Variants in BCAS3 observed in about 807,000 individuals in gnomAD.
BCAS3 encodes BCAS3 microtubule associated cell migration factor, also known as BCAS4/BCAS3 fusion.
Under a neutral mutation model 116.1 loss-of-function variants are expected in BCAS3, and 53 were observed. The observed-to-expected ratio is 0.46, with a 90% CI of 0.37 to 0.57. The LOEUF is 0.57. Among genes scored for constraint, BCAS3 ranks in the 20% least tolerant of loss-of-function variants. The pLI, the probability that BCAS3 is intolerant of heterozygous loss-of-function variation, is 0.00. For synonymous variants in BCAS3, 391 were observed against 408.2 expected, an observed-to-expected ratio of 0.96 and a Z score of 0.51; for missense variants, 917 against 1,165.4, an observed-to-expected ratio of 0.79 and a Z score of 3.10.
chr17:61,132,559 A>G lies in BCAS3; in HGVS notation c.2425+47995A>G, dbSNP rs918132234. On this transcript the variant is annotated intron_variant, in intron 22 of 23. Coordinates refer to ENST00000407086, the MANE Select transcript of BCAS3 (RefSeq NM_017679.5). This position sits in a 1 kb window ranked among gnomAD's most constrained non-coding sequence, Gnocchi z 5.1. The stretch of plus-strand genomic sequence containing the variant: ...AGATTGTTTGTGCCGGGCTTATACA[A>G]TGGGTCTCTAAACTATATTGAGTGG... 6.6e-6 allele frequency among the ~76,000 whole-genome samples: 1 copy of G among 152,338 alleles called. No homozygotes were observed. The highest frequency in any genetic ancestry group is 1.5e-5 in the Non-Finnish European group (1 of 68,026).
At position 61,203,364 on chromosome 17, in the gene BCAS3, G is replaced by A. The variant is rs920668759; in HGVS notation, c.2425+118800G>A. Among the ~76,000 whole-genome samples, 1 of 152,018 alleles carries A rather than the reference G, an allele frequency of 6.6e-6. No individual in the cohort carries two copies. The highest frequency in any genetic ancestry group is 6.6e-5 in the Admixed American group (1 of 15,262). ...GTAGAAACAGGGTTTCGCCATGTTG[G>A]TCAGGCTGGTTTCAAACTCCTGACC... On this transcript the variant is annotated intron_variant, in intron 22 of 23. Coordinates refer to ENST00000407086, the MANE Select transcript of BCAS3 (RefSeq NM_017679.5). The surrounding 1 kb of genome is among the most constrained non-coding windows in gnomAD (Gnocchi z 5.7).
chr17:61,246,317 CA>C (rs2047939820), intron 22 of BCAS3, among the ~76,000 whole-genome samples: 1 of 151,360 alleles, frequency 6.6e-6, no homozygotes, highest in Non-Finnish European at 1.5e-5. Context: ...CCCATCTCTA[CA>C]AAAAATACAA....
intron 22 of BCAS3, among the ~76,000 whole-genome samples, chr17:61,358,449 G>C (rs900719268): frequency 6.6e-6 from 1 of 151,148 alleles, no homozygotes; most frequent in African/African-American, 2.4e-5. Flanking sequence ...ATTTTGGCTA[G>C]ATTTCTGGAA....
At chr17:60,837,993 C>G (rs2051524140) in intron 7 of BCAS3, among the ~76,000 whole-genome samples, 1 of 152,066 alleles carries the variant, frequency 6.6e-6, no homozygotes, top group Non-Finnish European at 1.5e-5. Flanking sequence ...TAAAATTTAA[C>G]ATTTAAATTA....
intron 4 of BCAS3, among the ~76,000 whole-genome samples, chr17:60,707,832 A>G (rs776383215): frequency 3.3e-5 from 5 of 152,070 alleles, no homozygotes; most frequent in Non-Finnish European, 5.9e-5. Context: ...ACCATCTTAC[A>G]TTTGTGGGAT....
intron 3 of BCAS3, among the ~76,000 whole-genome samples, chr17:60,685,273 A>G (rs1480057422): frequency 6.6e-6 from 1 of 151,746 alleles, no homozygotes; most frequent in Non-Finnish European, 1.5e-5. Flanking sequence ...ACATGGAGAA[A>G]CCCCATCTCT....
chr17:60,990,199 G>C lies in BCAS3; in HGVS notation c.1450G>C (p.Gly484Arg). The C allele has an allele frequency of 6.2e-7, 1 of 1,614,140 alleles. No homozygotes were observed. The highest frequency in any genetic ancestry group is 8.5e-7 in the Non-Finnish European group (1 of 1,180,032). The change falls in exon 15 of 24, where the codon GGT becomes CGT. Residue 484 changes from glycine to arginine, a missense_variant. Gly to Arg is a moderately radical substitution (Grantham distance 125, BLOSUM62 -2). Around this residue, in one of 3 missense-constraint regions of BCAS3, gnomAD observed 807 missense variants for 1,026.0 expected, o/e 0.79. Coordinates refer to ENST00000407086, the MANE Select transcript of BCAS3 (RefSeq NM_017679.5). This position sits in a 1 kb window ranked among gnomAD's most constrained non-coding sequence, Gnocchi z 5.1. ...KQGGRCSPVPGLSSSPSGSPL... is the reference protein window; with the variant it reads ...KQGGRCSPVPRLSSSPSGSPL... ...AGGAGGTCGCTGTAGCCCTGTTCCA[G>C]GTCTATCAAGCAGCCCTTCTGGGTC...
At chr17:60,813,354 G>T (rs1223807589) in intron 7 of BCAS3, among the ~76,000 whole-genome samples, 1 of 151,454 alleles carries the variant, frequency 6.6e-6, no homozygotes, top group Non-Finnish European at 1.5e-5. Context: ...GTTTATCCCT[G>T]CCAGAGTACC....
rs1444630446 is a variant in BCAS3, at chr17:61,229,031, C to A, written c.2426-139296C>A. Among the ~76,000 whole-genome samples the A allele has an allele frequency of 6.6e-6, 1 of 152,196 alleles. No individual in the cohort carries two copies. The highest frequency in any genetic ancestry group is 1.5e-5 in the Non-Finnish European group (1 of 68,030). ...GTGAGCACAGAAGAAAGTAAAACAG[C>A]CTTGCTTCTGAGATGGAGAAAGTTT... On this transcript the variant is annotated intron_variant, in intron 22 of 23. Coordinates refer to ENST00000407086, the MANE Select transcript of BCAS3 (RefSeq NM_017679.5). This position sits in a 1 kb window ranked among gnomAD's most constrained non-coding sequence, Gnocchi z 4.4.
At chr17:61,207,306 C>A (rs1260878908) in intron 22 of BCAS3, among the ~76,000 whole-genome samples, 1 of 152,092 alleles carries the variant, frequency 6.6e-6, no homozygotes, top group Non-Finnish European at 1.5e-5. Context: ...TCTTGTTCTT[C>A]TTACTGTCTG....
At chr17:60,978,063 T>C (rs867023105) in intron 14 of BCAS3, among the ~76,000 whole-genome samples, 3 of 130,842 alleles carry the variant, frequency 2.3e-5, no homozygotes, top group Non-Finnish European at 4.5e-5. Flanking sequence ...TCTAGATCCC[T>C]GAGGAATCGC....
At chr17:60,697,902 G>A (rs73332375) in intron 4 of BCAS3, among the ~76,000 whole-genome samples, 10,748 of 152,144 alleles carry the variant, frequency 0.071, 1,260 homozygotes, top group African/African-American at 0.24. Context: ...AAAATAGGCC[G>A]GGTACGATGG....
At chr17:61,157,707 C>T (rs1484739413) in intron 22 of BCAS3, among the ~76,000 whole-genome samples, 2 of 149,314 alleles carry the variant, frequency 1.3e-5, no homozygotes, top group African/African-American at 2.5e-5. Context: ...GCCAGCAGGG[C>T]GCCAGCCTGC....
In BCAS3 at chr17:61,134,316, T is replaced by A. The variant is rs1489943245; in HGVS notation, c.2425+49752T>A. The stretch of plus-strand genomic sequence containing the variant: ...TGTTAGGCACTGTGCTCAGACTTTA[T>A]GAGCATTGTCTCATTTTTCATCGTT... On this transcript the variant is annotated intron_variant, in intron 22 of 23. Transcript: ENST00000407086. This position sits in a 1 kb window ranked among gnomAD's most constrained non-coding sequence, Gnocchi z 4.6. 6.6e-6 allele frequency among the ~76,000 whole-genome samples: 1 copy of A among 152,224 alleles called. No individual in the cohort carries two copies. The highest frequency in any genetic ancestry group is 1.5e-5 in the Non-Finnish European group (1 of 68,032).
intron 22 of BCAS3, among the ~76,000 whole-genome samples, chr17:61,120,378 A>G (rs2075722343): frequency 1.3e-5 from 2 of 152,152 alleles, no homozygotes; most frequent in Non-Finnish European, 2.9e-5. Context: ...TGTAAATGCG[A>G]TATCAGCTAC....
chr17:61,313,201 T>C lies in BCAS3; in HGVS notation c.2426-55126T>C, dbSNP rs2054462423. ...CAGGTAGAGAAAGCGAATGCTGTTA[T>C]TTTGCTCTAAGAGGAAACTAAGGTT... On this transcript the variant is annotated intron_variant, in intron 22 of 23. Transcript: ENST00000407086. The surrounding 1 kb of genome is among the most constrained non-coding windows in gnomAD (Gnocchi z 4.3). 6.6e-6 allele frequency among the ~76,000 whole-genome samples: 1 copy of C among 152,216 alleles called. No individual in the cohort carries two copies. The highest frequency in any genetic ancestry group is 6.5e-5 in the Admixed American group (1 of 15,282).
Position 61,368,227 on chromosome 17 carries a change from A to G in BCAS3, c.2426-100A>G. ...GCTTCCATCCTACAGGAAGGCTACA[A>G]TGGACCCTGGGTATGGAGAGGAGCG... On this transcript the variant is annotated intron_variant, in intron 22 of 23. Transcript: ENST00000407086. The surrounding 1 kb of genome is among the most constrained non-coding windows in gnomAD (Gnocchi z 6.0). The G allele has an allele frequency of 7.6e-7, 1 of 1,322,664 alleles. No homozygotes were observed. Among genetic ancestry groups the G allele is most frequent in the Non-Finnish European group, 1.0e-6 (1 of 967,006 alleles). 81.9% of individuals were successfully genotyped at this position (1,322,664 alleles called of 1,614,324 possible).
rs192969813 is a variant in BCAS3, at chr17:60,947,372, A to G, written c.1221+20A>G. 7.3e-4 allele frequency: 1,181 copies of G among 1,607,722 alleles called. 1 individual carries two copies. Among genetic ancestry groups the G allele is most frequent in the Admixed American group, 1.5e-3 (92 of 59,654 alleles). ...GCCAAAGTAAGCTGTATAATTTTTC[A>G]GAAGGCGATTTCTTGGTGTAATATG... On this transcript the variant is annotated intron_variant, in intron 14 of 23. Transcript: ENST00000407086.
At chr17:60,958,278 A>G (rs773450528) in intron 14 of BCAS3, among the ~76,000 whole-genome samples, 1 of 152,266 alleles carries the variant, frequency 6.6e-6, no homozygotes, top group African/African-American at 2.4e-5. Context: ...CCGTCAGATC[A>G]GAAAGGCAAG....
Sources: allele counts gnomAD v4.1 joint callset (sites outside exome capture counted in the v4.1 genomes callset), GRCh38; gene constraint gnomAD v4.1.1; regional missense constraint gnomAD v4.1.1; non-coding constraint Gnocchi (gnomAD v3.1); transcripts MANE v1.5; gene names NCBI Gene and HGNC (gene_info 2026-07-23, HGNC 2026-07-21).